The following HRH2 variants were observed in gnomAD, a reference collection of about 807,000 sequenced individuals.
HRH2 encodes the protein histamine H2 receptor.
Under a neutral mutation model 20.1 loss-of-function variants are expected in HRH2, and 4 were observed. The ratio of observed to expected loss-of-function variants is 0.20; its 90% CI spans 0.10 to 0.45. HRH2 has a LOEUF of 0.45. HRH2 is among the 20% of genes least tolerant of loss of function. The probability of loss-of-function intolerance (pLI) is 0.99; values close to 1 mark genes in which losing one functional copy is unlikely to be tolerated. For missense variants in HRH2, 250 were observed against 461.6 expected (o/e 0.54, Z 4.20); for synonymous variants, 197 against 200.7 (o/e 0.98, Z 0.16).
Position 175,683,055 on chromosome 5 carries a change from C to T in HRH2, c.-179C>T, listed in dbSNP as rs2113518650. ...TTAATTTATTTCTAGAAAAGCAGCC[C>T]AGAGTCAGTCATTGAAGCCTTCCCC... On this transcript the variant is annotated 5_prime_UTR_variant, in exon 2 of 3. Transcript: ENST00000636584. 2 of 691,210 alleles carry T rather than the reference C, an allele frequency of 2.9e-6. 1 individual carries two copies. The highest frequency in any genetic ancestry group is 4.8e-6 in the Non-Finnish European group (2 of 419,608). 42.8% of individuals were successfully genotyped at this position (691,210 alleles called of 1,614,324 possible).
chr5:175,700,437 C>T (rs1265405489), intron 2 of HRH2, among the ~76,000 whole-genome samples: 2 of 152,238 alleles, frequency 1.3e-5, no homozygotes, highest in East Asian at 1.9e-4. Flanking sequence ...CTTTATGACA[C>T]TCCTGTTTAG....
chr5:175,684,241 A>G lies in HRH2; in HGVS notation c.1008A>G (p.Glu336=), dbSNP rs1756088956. ...RTQSREPRQQ[E]EKPLKLQVWS... is the part of the protein sequence containing the mutation. ...AAAGCCGAGAACCCAGGCAACAGGA[A>G]GAGAAACCCCTGAAGCTCCAGGTGT... is the stretch of plus-strand genomic sequence containing the variant. The change falls in exon 2 of 3, where the codon GAA becomes GAG. Residue 336 remains glutamate, a synonymous_variant. Transcript: ENST00000636584. 1 of 1,614,100 alleles carries G rather than the reference A, an allele frequency of 6.2e-7. No homozygotes were observed. Among genetic ancestry groups the G allele is most frequent in the Non-Finnish European group, 8.5e-7 (1 of 1,180,040 alleles).
chr5:175,696,642 A>G (rs766541189), intron 2 of HRH2, among the ~76,000 whole-genome samples: 75 of 152,218 alleles, frequency 4.9e-4, no homozygotes, highest in Non-Finnish European at 6.5e-4. Context: ...AGCAGCAGGA[A>G]GTGGATGGCA....
intron 1 of HRH2, among the ~76,000 whole-genome samples, chr5:175,678,263 C>A (rs1337457385): frequency 6.6e-6 from 1 of 152,200 alleles, no homozygotes; most frequent in Non-Finnish European, 1.5e-5. Flanking sequence ...GGAAGCTGCT[C>A]GGTATGTGTC....
intron 1 of HRH2, among the ~76,000 whole-genome samples, chr5:175,673,854 G>A (rs1256500779): frequency 3.3e-5 from 5 of 151,804 alleles, no homozygotes; most frequent in Admixed American, 6.6e-5. Flanking sequence ...ACAGATGCCC[G>A]CCACCACGCC....
rs533724459 is a variant in HRH2, at chr5:175,677,654, G to C, written c.-525-5055G>C. ...GGCTGCTCCTTGGGTGCTGATGCTG[G>C]GGCCACTTCCTGATACCCTCAGGAG... On this transcript the variant is annotated intron_variant, in intron 1 of 2. Coordinates refer to ENST00000636584, the MANE Select transcript of HRH2 (RefSeq NM_001367711.1). The surrounding 1 kb of genome is among the most constrained non-coding windows in gnomAD (Gnocchi z 4.2). Among the ~76,000 whole-genome samples the C allele has an allele frequency of 6.6e-6, 1 of 152,170 alleles. No individual in the cohort carries two copies. Among genetic ancestry groups the C allele is most frequent in the African/African-American group, 2.4e-5 (1 of 41,460 alleles).
At chr5:175,705,590 G>A (rs1051218932) in intron 2 of HRH2, among the ~76,000 whole-genome samples, 1 of 151,788 alleles carries the variant, frequency 6.6e-6, no homozygotes, top group Non-Finnish European at 1.5e-5. Flanking sequence ...TCTTTTGTTT[G>A]TTTGTGTGTT....
chr5:175,688,750 G>A (rs1407893807), intron 2 of HRH2, among the ~76,000 whole-genome samples: 4 of 152,226 alleles, frequency 2.6e-5, no homozygotes, highest in Non-Finnish European at 5.9e-5. Flanking sequence ...ACAGATACCA[G>A]ATAGGGAAAA....
chr5:175,673,829 C>T (rs114396402), intron 1 of HRH2, among the ~76,000 whole-genome samples: 1,946 of 151,954 alleles, frequency 0.013, 56 homozygotes, highest in African/African-American at 0.044. Context: ...CTCAGCGTCC[C>T]GAGTAGCTTG....
chr5:175,692,699 G>A (rs617414), intron 2 of HRH2, among the ~76,000 whole-genome samples: 9,650 of 152,218 alleles, frequency 0.063, 1,012 homozygotes, highest in African/African-American at 0.22. Flanking sequence ...AATTGTTCCA[G>A]GGGGGTCCTG....
intron 2 of HRH2, among the ~76,000 whole-genome samples, chr5:175,701,409 A>G (rs1046246868): frequency 6.6e-6 from 1 of 152,220 alleles, no homozygotes; most frequent in Non-Finnish European, 1.5e-5. Flanking sequence ...AGCTTCAAGC[A>G]TGGTCGGACC....
In HRH2 at chr5:175,683,779, C is replaced by T. The variant is rs772344735; in HGVS notation, c.546C>T (p.Tyr182=). The change falls in exon 2 of 3, where the codon TAC becomes TAT. Residue 182 remains tyrosine (Y), a synonymous_variant. Transcript: ENST00000636584. ...GCAAAGTCCAGGTCAATGAAGTGTACGGGCTGGTGGATGGGCTGGTCACCT... is the reference window on the plus strand; with the variant it reads ...GCAAAGTCCAGGTCAATGAAGTGTATGGGCTGGTGGATGGGCTGGTCACCT... ...SKCKVQVNEV[Y]GLVDGLVTFY... 75 of 1,614,162 alleles carry T rather than the reference C, an allele frequency of 4.6e-5. No homozygotes were observed. The East Asian group carries it at 1.6e-3, about 34-fold the overall frequency.
intron 1 of HRH2, among the ~76,000 whole-genome samples, chr5:175,661,760 G>A (rs768597915): frequency 1.2e-4 from 19 of 152,318 alleles, no homozygotes; most frequent in Admixed American, 5.2e-4. Flanking sequence ...AGTGGCTCAC[G>A]CCTGTAATCC....
chr5:175,696,687 C>T (rs1172745210), intron 2 of HRH2, among the ~76,000 whole-genome samples: 4 of 152,148 alleles, frequency 2.6e-5, no homozygotes, highest in South Asian at 2.1e-4. Flanking sequence ...GGAAGTAGGG[C>T]TCCCACAACT....
At chr5:175,701,137 A>G (rs1375080924) in intron 2 of HRH2, among the ~76,000 whole-genome samples, 1 of 152,160 alleles carries the variant, frequency 6.6e-6, no homozygotes, top group Non-Finnish European at 1.5e-5. Context: ...TTATTAACTC[A>G]TTTCACAGAT....
chr5:175,678,789 G>A (rs181350001), intron 1 of HRH2, among the ~76,000 whole-genome samples: 2 of 152,326 alleles, frequency 1.3e-5, no homozygotes, highest in Non-Finnish European at 2.9e-5. Context: ...CCAAATTGTT[G>A]GCCGCTTGTG....
At chr5:175,671,919 T>C (rs1293663099) in intron 1 of HRH2, among the ~76,000 whole-genome samples, 4 of 152,126 alleles carry the variant, frequency 2.6e-5, no homozygotes, top group African/African-American at 9.6e-5. Context: ...CCCGCATCGA[T>C]GGAGGTGGGC....
chr5:175,668,646 G>A (rs1755403091), intron 1 of HRH2, among the ~76,000 whole-genome samples: 1 of 152,178 alleles, frequency 6.6e-6, no homozygotes, highest in Admixed American at 6.5e-5. Context: ...CCTGGAGACT[G>A]AGATGAGAGT....
rs931178375 is a variant in HRH2 at position 175,686,707 on chromosome 5, G to C, written c.1076+2398G>C. Among the ~76,000 whole-genome samples, 4 of 152,196 alleles carry C rather than the reference G, an allele frequency of 2.6e-5. No individual in the cohort carries two copies. Among genetic ancestry groups the C allele is most frequent in the Non-Finnish European group, 5.9e-5 (4 of 68,036 alleles). On this transcript the variant is annotated intron_variant, in intron 2 of 2. Transcript: ENST00000636584. This position sits in a 1 kb window ranked among gnomAD's most constrained non-coding sequence, Gnocchi z 4.7. ...AAACGAGAAAGACCCTTTCATCCAA[G>C]GCAGGGCTGGACCCTTGAGACTCAG...
Sources: gnomAD v4.1 joint callset for allele counts (sites outside exome capture counted in the v4.1 genomes callset) on GRCh38, gnomAD v4.1.1 for gene constraint, Gnocchi (gnomAD v3.1) non-coding constraint, MANE v1.5 for transcripts, NCBI Gene and HGNC (gene_info 2026-07-23, HGNC 2026-07-21) for gene names.